Variants in USP34 observed in about 807,000 individuals in gnomAD.
The protein encoded by USP34 is ubiquitin specific peptidase 34.
A neutral mutation model predicts 460.3 loss-of-function variants in USP34; 70 were observed. The ratio of observed to expected loss-of-function variants is 0.15; its 90% CI spans 0.13 to 0.19. The LOEUF (loss-of-function observed/expected upper bound fraction) is 0.19. USP34 is among the 10% of genes least tolerant of loss of function. The probability of loss-of-function intolerance (pLI) is 1.00; values close to 1 mark genes in which losing one functional copy is unlikely to be tolerated. For missense variants in USP34, 3,985 were observed against 4,236.2 expected (o/e 0.94, Z 1.65); for synonymous variants, 1,647 against 1,405.3 (o/e 1.17, Z -3.85).
At chr2:61,454,618 C>G (rs1303628669) in intron 1 of USP34, among the ~76,000 whole-genome samples, 2 of 152,008 alleles carry the variant, frequency 1.3e-5, no homozygotes, top group East Asian at 3.9e-4. Flanking sequence ...GACACAACCT[C>G]TACTCACTTC....
At chr2:61,230,854 A>AC (rs563256879) in intron 58 of USP34, among the ~76,000 whole-genome samples, 55 of 151,798 alleles carry the variant, frequency 3.6e-4, no homozygotes, top group African/African-American at 1.1e-3. Flanking sequence ...CAAAAAAAAA[A>AC]AAAACAAAAC....
intron 3 of USP34, among the ~76,000 whole-genome samples, chr2:61,399,524 C>T (rs1218374916): frequency 6.6e-6 from 1 of 151,754 alleles, no homozygotes; most frequent in African/African-American, 2.4e-5. Context: ...AATTAACACA[C>T]ATCTATAGGT....
At chr2:61,277,991 G>A in intron 41 of USP34, 174 bp downstream of exon 41, 1 of 822,506 alleles carries the variant, frequency 1.2e-6, no homozygotes, top group Non-Finnish European at 1.8e-6. Flanking sequence ...CGGCACGATT[G>A]TGAGGCCTCC....
chr2:61,365,419 A>C (rs1388058110), intron 10 of USP34, among the ~76,000 whole-genome samples: 1 of 152,144 alleles, frequency 6.6e-6, no homozygotes, highest in Non-Finnish European at 1.5e-5. Context: ...ACACTTTAAA[A>C]AAAGACAAAC....
At position 61,187,898 on chromosome 2, in the gene USP34, T is replaced by G. The variant is rs1203276358; in HGVS notation, c.*204A>C. The G allele has an allele frequency of 1.4e-6, 2 of 1,405,594 alleles. No homozygotes were observed. Among genetic ancestry groups the G allele is most frequent in the East Asian group, 5.3e-5 (2 of 37,588 alleles). The allele number at this position is 1,405,594 out of a possible 1,614,324, so 87.1% of individuals were successfully genotyped here. A position where few individuals can be genotyped will look rare whatever the true frequency, so the allele number is the denominator to read the frequency against. On this transcript the variant is annotated 3_prime_UTR_variant, in exon 80 of 80. Transcript: ENST00000398571. ...TACATAAAACATATCCATTATCTGA[T>G]TGCCCTTTAGGAAGTATACTGAAGA...
intron 27 of USP34, among the ~76,000 whole-genome samples, chr2:61,307,037 T>C (rs554148767): frequency 6.6e-6 from 1 of 152,182 alleles, no homozygotes; most frequent in Non-Finnish European, 1.5e-5. Context: ...GTGGCACTAT[T>C]CACAAGAGCA....
At chr2:61,444,199 A>T (rs1418759546) in intron 1 of USP34, among the ~76,000 whole-genome samples, 2 of 152,168 alleles carry the variant, frequency 1.3e-5, no homozygotes, top group Non-Finnish European at 2.9e-5. Flanking sequence ...AGGTGACAAG[A>T]TTCTGCCACT....
intron 51 of USP34, among the ~76,000 whole-genome samples, chr2:61,242,651 T>C (rs1253866746): frequency 2.0e-5 from 3 of 151,966 alleles, no homozygotes; most frequent in African/African-American, 7.3e-5. Context: ...ATTACGAGAA[T>C]TTAGTGGTGG....
At chr2:61,295,634 A>T (rs1690002223) in intron 30 of USP34, among the ~76,000 whole-genome samples, 2 of 152,358 alleles carry the variant, frequency 1.3e-5, no homozygotes, top group South Asian at 4.1e-4. Flanking sequence ...TCTGTACTTA[A>T]TAGTTACAAC....
intron 8 of USP34, among the ~76,000 whole-genome samples, chr2:61,375,724 G>C (rs56199002): frequency 3.6e-5 from 5 of 137,828 alleles, no homozygotes; most frequent in Admixed American, 3.3e-4. Context: ...AGCCAAGATC[G>C]CGCCACTGCA....
chr2:61,315,976 G>A lies in USP34; in HGVS notation c.3283-1002C>T, dbSNP rs1258933723. ...GCACTTTGGGAGGCTGAGGCAGGCA[G>A]ACTGCCTGAGCTCAGGAGTTCGAGA... On this transcript the variant is annotated intron_variant, in intron 23 of 79. Coordinates refer to ENST00000398571, the MANE Select transcript of USP34 (RefSeq NM_014709.4). Among the ~76,000 whole-genome samples, 7 of 150,536 alleles carry A rather than the reference G, an allele frequency of 4.7e-5. No homozygotes were observed. In the Admixed American group the frequency reaches 4.7e-4, roughly 10 times the overall value.
At chr2:61,450,872 A>C (rs1288300441) in intron 1 of USP34, among the ~76,000 whole-genome samples, 1 of 143,454 alleles carries the variant, frequency 7.0e-6, no homozygotes, top group Non-Finnish European at 1.5e-5. Flanking sequence ...ATTCCAATAG[A>C]AACGGAGGAG....
chr2:61,340,543 T>G (rs1322785972), intron 16 of USP34, among the ~76,000 whole-genome samples: 1 of 152,206 alleles, frequency 6.6e-6, no homozygotes, highest in African/African-American at 2.4e-5. Context: ...CATCAGTCCC[T>G]TTCTTCCATA....
intron 1 of USP34, among the ~76,000 whole-genome samples, chr2:61,443,928 A>G (rs1261511739): frequency 1.3e-5 from 2 of 152,150 alleles, no homozygotes; most frequent in Non-Finnish European, 2.9e-5. Context: ...CATACCGGAA[A>G]TATCTGCACC....
chr2:61,399,874 C>CGAAAAAAAAAAA (rs1693658071), intron 3 of USP34, among the ~76,000 whole-genome samples: 1 of 69,984 alleles, frequency 1.4e-5, no homozygotes, highest in South Asian at 7.6e-4. Flanking sequence ...CACTGTCTCC[C>CGAAAAAAAAAAA]AAAAAAAAAA....
chr2:61,391,176 T>C (rs2463099), intron 5 of USP34, among the ~76,000 whole-genome samples: 77,103 of 151,668 alleles, frequency 0.51, 19,878 homozygotes, highest in South Asian at 0.7. Context: ...CCAGGTGCAA[T>C]GGCACACACC....
intron 48 of USP34, among the ~76,000 whole-genome samples, chr2:61,252,504 C>A (rs572503114): frequency 1.3e-5 from 2 of 152,068 alleles, no homozygotes; most frequent in Non-Finnish European, 2.9e-5. Context: ...TATACAAACT[C>A]TGATTTACAA....
chr2:61,387,779 C>T (rs567253780), intron 5 of USP34, among the ~76,000 whole-genome samples: 9 of 142,728 alleles, frequency 6.3e-5, no homozygotes, highest in South Asian at 2.2e-4. Context: ...TATATTTTTA[C>T]GTATACACAC....
intron 75 of USP34, chr2:61,200,488 A>G (rs1247397121): frequency 6.6e-6 from 1 of 152,280 alleles, no homozygotes; most frequent in African/African-American, 2.4e-5. Context: ...TAATTATTAT[A>G]TATTTCTCTT....
Sources: gnomAD v4.1 joint callset for allele counts (sites outside exome capture counted in the v4.1 genomes callset) on GRCh38, gnomAD v4.1.1 for gene constraint, MANE v1.5 for transcripts, NCBI Gene and HGNC (gene_info 2026-07-23, HGNC 2026-07-21) for gene names.